The following DLG2 variants were observed in gnomAD, a reference collection of about 807,000 sequenced individuals.
DLG2 encodes discs large MAGUK scaffold protein 2, also known as disks large homolog 2.
A neutral mutation model predicts 132.5 loss-of-function variants in DLG2; 45 were observed. The observed-to-expected ratio is 0.34, with a 90% CI of 0.27 to 0.44. The LOEUF (loss-of-function observed/expected upper bound fraction) is 0.44, where lower values mean the gene tolerates loss of function less well. Ranked by LOEUF, DLG2 falls within the 20% of genes least tolerant of loss-of-function variation. The probability of loss-of-function intolerance (pLI) is 1.00; values close to 1 mark genes in which losing one functional copy is unlikely to be tolerated. For synonymous variants in DLG2, 424 were observed against 419.6 expected (o/e 1.01, Z -0.13); for missense variants, 1,045 against 1,196.9 (o/e 0.87, Z 1.87).
rs151305906 is a variant in DLG2 at position 84,146,121 on chromosome 11, T to A, written c.624+17340A>T. On this transcript the variant is annotated intron_variant, in intron 9 of 27. Transcript: ENST00000376104. ...TAGTCATTCTTTTTACTTGCCACTT[T>A]AAGAAAAATTGCTCTTTCATTCTTG... 3.0e-3 allele frequency among the ~76,000 whole-genome samples: 450 copies of A among 152,276 alleles called. 2 individuals are homozygous for A. The highest frequency in any genetic ancestry group is 0.01 in the African/African-American group (427 of 41,548).
chr11:85,536,214 CAAAAAAAAAAAA>C (rs527811605), intron 3 of DLG2, among the ~76,000 whole-genome samples: 2 of 57,518 alleles, frequency 3.5e-5, no homozygotes, highest in African/African-American at 6.5e-5. Flanking sequence ...GACCCTGTCT[CAAAAAAAAAAAA>C]AAAAAAAAAA....
chr11:83,725,172 C>T lies in DLG2; in HGVS notation c.1825+61518G>A, dbSNP rs577302666. On this transcript the variant is annotated intron_variant, in intron 18 of 27. Transcript: ENST00000376104. Reference sequence around the variant, plus strand: ...CAGATGTTGGCTATCTCACTCACCTCTTTTTCTTTCTCTTCTCAGTTAAAA... The same window carrying T: ...CAGATGTTGGCTATCTCACTCACCTTTTTTTCTTTCTCTTCTCAGTTAAAA... 8.4e-5 allele frequency: 34 copies of T among 405,292 alleles called. 1 individual carries two copies. In the South Asian group the frequency reaches 1.7e-3, roughly 20 times the overall value. The allele number at this position is 405,292 out of a possible 1,614,324, so 25.1% of individuals were successfully genotyped here. A position where few individuals can be genotyped will look rare whatever the true frequency, so the allele number is the denominator to read the frequency against.
chr11:84,845,885 G>A (rs1346602551), intron 6 of DLG2, among the ~76,000 whole-genome samples: 2 of 151,840 alleles, frequency 1.3e-5, no homozygotes, highest in Non-Finnish European at 2.9e-5. Flanking sequence ...TCACCACGTT[G>A]GCCAGGCTGG....
chr11:83,721,226 G>A (rs1023090531), intron 18 of DLG2, among the ~76,000 whole-genome samples: 3 of 152,218 alleles, frequency 2.0e-5, no homozygotes, highest in South Asian at 2.1e-4. Flanking sequence ...CAGTGTGAAC[G>A]TACAAGTTAA....
chr11:83,724,748 G>A (rs1223089678), intron 18 of DLG2: 1 of 658,996 alleles, frequency 1.5e-6, no homozygotes, highest in East Asian at 2.7e-5. Context: ...GCTGTTTTAG[G>A]AAGGAAAGGG....
chr11:83,655,725 A>G (rs1027150952), intron 18 of DLG2, among the ~76,000 whole-genome samples: 1 of 152,198 alleles, frequency 6.6e-6, no homozygotes, highest in African/African-American at 2.4e-5. Context: ...CTCAGGAAAC[A>G]GCTCCCCACA....
At chr11:85,302,031 G>A (rs951488069) in intron 3 of DLG2, among the ~76,000 whole-genome samples, 1 of 152,148 alleles carries the variant, frequency 6.6e-6, no homozygotes, top group Admixed American at 6.5e-5. Context: ...ATTATCTTAA[G>A]AGCACATGAG....
chr11:85,212,939 C>T (rs1426982173), intron 4 of DLG2, among the ~76,000 whole-genome samples: 1 of 152,140 alleles, frequency 6.6e-6, no homozygotes, highest in Non-Finnish European at 1.5e-5. Context: ...AAAACTGCTA[C>T]TGCCTTTGCT....
chr11:85,577,910 C>A (rs1219444760), intron 3 of DLG2, among the ~76,000 whole-genome samples: 1 of 152,042 alleles, frequency 6.6e-6, no homozygotes, highest in Non-Finnish European at 1.5e-5. Flanking sequence ...CATATGGAAC[C>A]AATAAAAAGC....
At chr11:85,296,417 G>A (rs2079207382) in intron 3 of DLG2, among the ~76,000 whole-genome samples, 1 of 149,912 alleles carries the variant, frequency 6.7e-6, no homozygotes, top group Non-Finnish European at 1.5e-5. Flanking sequence ...GATATATAAG[G>A]ACTTTTATTA....
At chr11:85,039,606 C>A (rs2061681837) in intron 6 of DLG2, among the ~76,000 whole-genome samples, 1 of 151,786 alleles carries the variant, frequency 6.6e-6, no homozygotes, top group East Asian at 1.9e-4. Flanking sequence ...AGCATGGTTT[C>A]TGCAAAACAG....
intron 17 of DLG2, among the ~76,000 whole-genome samples, chr11:83,801,320 CT>C (rs2044313561): frequency 6.6e-6 from 1 of 152,156 alleles, no homozygotes; most frequent in Admixed American, 6.5e-5. Context: ...CCTCTATCCC[CT>C]TTTGACTCGG....
At chr11:84,609,843 A>G (rs556015550) in intron 6 of DLG2, among the ~76,000 whole-genome samples, 1 of 152,312 alleles carries the variant, frequency 6.6e-6, no homozygotes, top group South Asian at 2.1e-4. Flanking sequence ...CAATCTCAGT[A>G]TTTAAGAATA....
chr11:84,355,292 T>C (rs193121217), intron 7 of DLG2, among the ~76,000 whole-genome samples: 1 of 152,244 alleles, frequency 6.6e-6, no homozygotes, highest in Non-Finnish European at 1.5e-5. Context: ...GCTATTGCTG[T>C]AGATGTAATA....
intron 7 of DLG2, among the ~76,000 whole-genome samples, chr11:84,312,091 A>G (rs1189702214): frequency 6.6e-6 from 1 of 152,224 alleles, no homozygotes; most frequent in African/African-American, 2.4e-5. Flanking sequence ...AGCATCTACC[A>G]TATGAAAGCA....
chr11:85,392,756 C>G (rs2086911090), intron 3 of DLG2, among the ~76,000 whole-genome samples: 2 of 152,216 alleles, frequency 1.3e-5, no homozygotes, highest in Admixed American at 6.6e-5. Context: ...GCTGGGATAA[C>G]TGGCATGCCA....
At chr11:85,436,249 G>A (rs1312916182) in intron 3 of DLG2, among the ~76,000 whole-genome samples, 1 of 151,990 alleles carries the variant, frequency 6.6e-6, no homozygotes, top group African/African-American at 2.4e-5. Flanking sequence ...CATAGGCATG[G>A]GCAAAGATTT....
chr11:85,347,449 T>A (rs924685003), intron 3 of DLG2, among the ~76,000 whole-genome samples: 1 of 152,156 alleles, frequency 6.6e-6, no homozygotes, highest in Non-Finnish European at 1.5e-5. Flanking sequence ...TTGGGCTCAT[T>A]CAAATTCCAA....
chr11:84,552,138 T>C (rs373390017), intron 6 of DLG2, among the ~76,000 whole-genome samples: 1 of 152,180 alleles, frequency 6.6e-6, no homozygotes, highest in African/African-American at 2.4e-5. Flanking sequence ...AGTGAATGGA[T>C]CTAATACAAG....
Sources: allele counts gnomAD v4.1 joint callset (sites outside exome capture counted in the v4.1 genomes callset), GRCh38; gene constraint gnomAD v4.1.1; transcripts MANE v1.5; gene names NCBI Gene and HGNC (gene_info 2026-07-23, HGNC 2026-07-21).